Variants in CFAP70 observed in about 807,000 individuals in gnomAD.
CFAP70 encodes the protein cilia- and flagella-associated protein 70.
Under a neutral mutation model 137.6 loss-of-function variants are expected in CFAP70, and 81 were observed. That is an observed-to-expected ratio of 0.59 (90% CI 0.49 to 0.71). CFAP70 has a LOEUF of 0.71. CFAP70 is among the 30% of genes least tolerant of loss of function. The pLI, the probability that CFAP70 is intolerant of heterozygous loss-of-function variation, is 0.00. For missense variants in CFAP70, 976 were observed against 1,226.7 expected (o/e 0.80, Z 3.05); for synonymous variants, 382 against 423.6 (o/e 0.90, Z 1.20).
At chr10:73,286,199 C>T (rs1225374696) in intron 19 of CFAP70, among the ~76,000 whole-genome samples, 2 of 152,120 alleles carry the variant, frequency 1.3e-5, no homozygotes, top group Admixed American at 1.3e-4. Context: ...AATCCCAGCA[C>T]TTTGGGAGGC....
At chr10:73,349,466 C>T (rs1019844967) in intron 3 of CFAP70, among the ~76,000 whole-genome samples, 7 of 151,918 alleles carry the variant, frequency 4.6e-5, no homozygotes, top group Admixed American at 4.6e-4. Context: ...TGGCGTGAAC[C>T]CAGGAGGTGG....
chr10:73,301,433 G>A (rs956124554), intron 12 of CFAP70, among the ~76,000 whole-genome samples: 4 of 152,138 alleles, frequency 2.6e-5, no homozygotes, highest in African/African-American at 7.2e-5. Context: ...AATATTATTT[G>A]GTAATAAAGA....
intron 25 of CFAP70, among the ~76,000 whole-genome samples, chr10:73,263,332 A>G (rs940912927): frequency 2.6e-5 from 4 of 152,114 alleles, no homozygotes; most frequent in South Asian, 2.1e-4. Context: ...CCAGGGCTCA[A>G]TTGGCCTCCC....
intron 8 of CFAP70, among the ~76,000 whole-genome samples, chr10:73,325,472 G>A (rs1259057149): frequency 6.6e-6 from 1 of 152,078 alleles, no homozygotes; most frequent in Non-Finnish European, 1.5e-5. Flanking sequence ...ACGGGATCAA[G>A]TTCACACATA....
intron 12 of CFAP70, 94 bp downstream of exon 13, chr10:73,310,064 A>T (rs1166165493): frequency 4.1e-6 from 3 of 738,518 alleles, no homozygotes; most frequent in Non-Finnish European, 6.6e-6. Flanking sequence ...ACTCCTGCTT[A>T]GCCCAAGGGA....
chr10:73,339,821 T>TCA (rs60033101), intron 6 of CFAP70, among the ~76,000 whole-genome samples: 23,287 of 152,136 alleles, frequency 0.15, 2,906 homozygotes, highest in African/African-American at 0.32. Context: ...GCCCCAGGTG[T>TCA]CAGACCTGGC....
upstream of CFAP70, among the ~76,000 whole-genome samples, chr10:73,359,151 T>C (rs901025983): frequency 6.6e-6 from 1 of 152,132 alleles, no homozygotes; most frequent in African/African-American, 2.4e-5. Context: ...TTGATGAGAG[T>C]GCAAAATGAC....
At chr10:73,272,725 G>C in intron 24 of CFAP70, 1 of 655,784 alleles carries the variant, frequency 1.5e-6, no homozygotes, top group East Asian at 2.8e-5. Context: ...GTTTTTCTGG[G>C]ATTTTTTAAA....
chr10:73,254,055 G>C, exon 27 of CFAP70: 4 of 1,588,110 alleles, frequency 2.5e-6, no homozygotes, highest in Non-Finnish European at 3.4e-6. Context: ...TTCAATTTCA[G>C]CTACATGAAA....
chr10:73,338,881 G>A (rs2052968811), intron 6 of CFAP70, among the ~76,000 whole-genome samples: 1 of 151,252 alleles, frequency 6.6e-6, no homozygotes, highest in Admixed American at 6.6e-5. Flanking sequence ...ATTTGCAGGG[G>A]TCCTGGCAAC....
chr10:73,349,492 G>T (rs1207311092), intron 3 of CFAP70, among the ~76,000 whole-genome samples: 2 of 151,420 alleles, frequency 1.3e-5, no homozygotes, highest in Non-Finnish European at 2.9e-5. Flanking sequence ...GCAGTGAGCC[G>T]AGACTGTGCC....
intron 9 of CFAP70, among the ~76,000 whole-genome samples, chr10:73,316,580 G>A (rs913315348): frequency 2.7e-4 from 40 of 149,102 alleles, no homozygotes; most frequent in African/African-American, 8.8e-4. Context: ...GTGCATATGT[G>A]TATGTATACA....
chr10:73,297,035 CACTT>C lies in CFAP70; in HGVS notation c.1644+3_1644+6del, dbSNP rs2048595034. The C allele has an allele frequency of 1.3e-5, 21 of 1,612,126 alleles. No individual in the cohort carries two copies. The highest frequency in any genetic ancestry group is 1.7e-5 in the Non-Finnish European group (20 of 1,179,138). On this transcript the variant is annotated splice_donor_5th_base_variant and intron_variant, in intron 15 of 26. Transcript: ENST00000310715. The stretch of plus-strand genomic sequence containing the variant: ...AAAAGAAAGTGCTCTCAGTTCTTGA[CACTT>C]ACCTGGTTTAGGGCTACATGCATCT...
intron 4 of CFAP70, 126 bp from the exon 6 acceptor site, chr10:73,345,370 T>C: frequency 2.3e-6 from 2 of 868,990 alleles, no homozygotes; most frequent in Non-Finnish European, 3.5e-6. Context: ...TTTCCATAAG[T>C]TGAAACCATG....
At chr10:73,334,997 T>C (rs989955047) in intron 7 of CFAP70, among the ~76,000 whole-genome samples, 2 of 150,850 alleles carry the variant, frequency 1.3e-5, no homozygotes, top group Non-Finnish European at 2.9e-5. Flanking sequence ...AATCCTATCA[T>C]GTCAGCCTCA....
At chr10:73,341,579 C>T (rs1325352215) in exon 6 of CFAP70, 1 of 1,613,010 alleles carries the variant, frequency 6.2e-7, no homozygotes, top group South Asian at 1.1e-5. Context: ...TGGGATAGTC[C>T]TTCTACAGAA....
chr10:73,355,079 C>T (rs1055121819), intron 1 of CFAP70, among the ~76,000 whole-genome samples: 6 of 152,186 alleles, frequency 3.9e-5, no homozygotes, highest in Admixed American at 3.9e-4. Context: ...CAAAGTATCA[C>T]AAGACAAAGT....
At chr10:73,267,616 T>C (rs1360458601) in intron 25 of CFAP70, among the ~76,000 whole-genome samples, 2 of 152,186 alleles carry the variant, frequency 1.3e-5, no homozygotes, top group Admixed American at 1.3e-4. Flanking sequence ...ATTATAAAAA[T>C]CTACTATAAG....
intron 25 of CFAP70, among the ~76,000 whole-genome samples, chr10:73,260,060 T>C (rs1000757178): frequency 1.3e-5 from 2 of 150,192 alleles, no homozygotes; most frequent in African/African-American, 4.9e-5. Context: ...ACTTAGATCT[T>C]AGATTGTTAG....
Sources: allele counts gnomAD v4.1 joint callset (sites outside exome capture counted in the v4.1 genomes callset), GRCh38; gene constraint gnomAD v4.1.1; transcripts MANE v1.5; gene names NCBI Gene and HGNC (gene_info 2026-07-23, HGNC 2026-07-21).